Variants in CFAP54 observed in about 807,000 individuals in gnomAD.
CFAP54 encodes the protein cilia and flagella associated protein 54.
CFAP54 carries 290 observed loss-of-function variants against 370.4 expected under a neutral mutation model. That is an observed-to-expected ratio of 0.78 (90% CI 0.71 to 0.86). CFAP54 has a LOEUF of 0.86. Ranked by LOEUF, CFAP54 falls within the 40% of genes least tolerant of loss-of-function variation. The pLI is 0.00. For synonymous variants in CFAP54, 1,206 were observed against 1,236.5 expected, an observed-to-expected ratio of 0.98 and a Z score of 0.52; for missense variants, 3,399 against 3,528.7, an observed-to-expected ratio of 0.96 and a Z score of 0.93.
chr12:96,638,082 T>G (rs1395812507), intron 32 of CFAP54, among the ~76,000 whole-genome samples: 1 of 151,956 alleles, frequency 6.6e-6, no homozygotes, highest in Non-Finnish European at 1.5e-5. Context: ...CACTGTACAA[T>G]GGTAATTTAA....
intron 64 of CFAP54, among the ~76,000 whole-genome samples, chr12:96,813,796 G>A (rs527518457): frequency 6.6e-6 from 1 of 152,326 alleles, no homozygotes; most frequent in Non-Finnish European, 1.5e-5. Context: ...AGCGGCTGTG[G>A]GGAGCCCAGA....
intron 60 of CFAP54, among the ~76,000 whole-genome samples, chr12:96,772,853 A>C (rs1958477887): frequency 6.6e-6 from 1 of 152,002 alleles, no homozygotes; most frequent in African/African-American, 2.4e-5. Context: ...CTCCTGACCC[A>C]CATGCCTCAG....
intron 35 of CFAP54, 127 bp downstream of exon 35, chr12:96,650,199 C>A (rs772501226): frequency 3.7e-6 from 3 of 807,354 alleles, no homozygotes; most frequent in Non-Finnish European, 5.8e-6. Context: ...GAGATCTCAT[C>A]TTGCTGGGTG....
In CFAP54 at chr12:96,675,538, T is replaced by C. The variant is rs368480962; in HGVS notation, c.5564-4062T>C. On this transcript the variant is annotated intron_variant, in intron 39 of 67. Transcript: ENST00000524981. ...TGTGGAAGTCAGTGTGGCGATTCCT[T>C]AGGGATCTAGAACTAGAAATACCAT... Among the ~76,000 whole-genome samples the C allele has an allele frequency of 4.8e-3, 724 of 152,242 alleles. 4 individuals carry two copies. Among genetic ancestry groups the C allele is most frequent in the African/African-American group, 0.016 (682 of 41,532 alleles).
chr12:96,710,745 C>T (rs965249060), intron 48 of CFAP54, among the ~76,000 whole-genome samples: 10 of 151,930 alleles, frequency 6.6e-5, no homozygotes, highest in African/African-American at 2.4e-4. Context: ...CTGCAACCTC[C>T]GCCTCCCAAG....
At chr12:96,736,217 A>G (rs982755754) in intron 50 of CFAP54, among the ~76,000 whole-genome samples, 1 of 152,168 alleles carries the variant, frequency 6.6e-6, no homozygotes, top group Non-Finnish European at 1.5e-5. Context: ...ACCTCGTTCC[A>G]TCTTCTCTCT....
chr12:96,740,115 G>T, intron 51 of CFAP54, 54 bp downstream of exon 51: 1 of 982,944 alleles, frequency 1.0e-6, no homozygotes, highest in East Asian at 2.4e-5. Context: ...AGAACTATTG[G>T]CATGCTAGGA....
chr12:96,597,937 TA>T (rs1477206273), intron 25 of CFAP54, among the ~76,000 whole-genome samples: 1 of 151,818 alleles, frequency 6.6e-6, no homozygotes. Context: ...GGGAGGAATT[TA>T]AAAAGTCTTA....
At chr12:96,764,926 C>T (rs185272286) in intron 59 of CFAP54, 151 bp from the exon 60 acceptor site, 34 of 501,880 alleles carry the variant, frequency 6.8e-5, no homozygotes, top group Middle Eastern at 5.7e-4. Context: ...TCAGGGATCA[C>T]ATATTATTTT....
chr12:96,534,502 G>A (rs1955481104), intron 11 of CFAP54, among the ~76,000 whole-genome samples: 1 of 152,160 alleles, frequency 6.6e-6, no homozygotes, highest in African/African-American at 2.4e-5. Flanking sequence ...TTGAGTAGGG[G>A]AATGAGGTTC....
chr12:96,791,051 G>C (rs1353937581), intron 62 of CFAP54, among the ~76,000 whole-genome samples: 5 of 152,122 alleles, frequency 3.3e-5, no homozygotes, highest in African/African-American at 1.2e-4. Context: ...AATACTGCTT[G>C]GTCCTCAAAC....
At chr12:96,527,216 G>T (rs1955392447) in intron 8 of CFAP54, 30 bp from the exon 9 acceptor site, 2 of 1,490,524 alleles carry the variant, frequency 1.3e-6, no homozygotes, top group East Asian at 2.5e-5. Flanking sequence ...TTTAACAAAT[G>T]GACTGAACTT....
intron 39 of CFAP54, among the ~76,000 whole-genome samples, chr12:96,668,783 A>G (rs1217099236): frequency 6.6e-6 from 1 of 152,238 alleles, no homozygotes; most frequent in Non-Finnish European, 1.5e-5. Context: ...TCTGGTATCA[A>G]AAAGCCATGT....
Position 96,872,542 on chromosome 12 carries a change from G to T in CFAP54, c.*15-2576G>T, listed in dbSNP as rs550014961. On this transcript the variant is annotated intron_variant, in intron 67 of 67. Coordinates refer to ENST00000524981, the MANE Select transcript of CFAP54 (RefSeq NM_001306084.2). ...AAGGTATATTTCAAAAATGGATACT[G>T]CCAGAGGTGAAATAAAACATTTTAT... 3.9e-5 allele frequency among the ~76,000 whole-genome samples: 6 copies of T among 152,294 alleles called. No homozygotes were observed. The East Asian group carries it at 1.2e-3, about 29-fold the overall frequency.
chr12:96,567,262 G>A (rs1434215402), intron 19 of CFAP54, among the ~76,000 whole-genome samples: 1 of 152,204 alleles, frequency 6.6e-6, no homozygotes, highest in Non-Finnish European at 1.5e-5. Context: ...ATAAGGGTAG[G>A]AGTCGGGTGG....
chr12:96,713,405 C>T (rs1427082950), intron 48 of CFAP54, among the ~76,000 whole-genome samples: 1 of 151,942 alleles, frequency 6.6e-6, no homozygotes, highest in East Asian at 1.9e-4. Context: ...AACTGGAGGA[C>T]ATTATGTTAA....
intron 50 of CFAP54, among the ~76,000 whole-genome samples, chr12:96,727,190 G>T (rs1413863314): frequency 1.3e-5 from 2 of 152,154 alleles, no homozygotes; most frequent in South Asian, 2.1e-4. Flanking sequence ...TGTCTATTAG[G>T]TCCGCTTGGT....
intron 66 of CFAP54, among the ~76,000 whole-genome samples, chr12:96,848,018 C>T (rs1189012505): frequency 1.3e-5 from 2 of 152,180 alleles, no homozygotes; most frequent in African/African-American, 4.8e-5. Context: ...CCTACATCTT[C>T]TAATTTCCAA....
chr12:96,597,497 G>A (rs891413507), intron 25 of CFAP54, among the ~76,000 whole-genome samples: 1 of 151,904 alleles, frequency 6.6e-6, no homozygotes, highest in Non-Finnish European at 1.5e-5. Context: ...AAAAAAGCTG[G>A]TGACAAAGAG....
Sources: allele counts gnomAD v4.1 joint callset (sites outside exome capture counted in the v4.1 genomes callset), GRCh38; gene constraint gnomAD v4.1.1; transcripts MANE v1.5; gene names NCBI Gene and HGNC (gene_info 2026-07-23, HGNC 2026-07-21).